The following AGBL4 variants were observed in gnomAD, a reference collection of about 807,000 sequenced individuals.
AGBL4 encodes AGBL carboxypeptidase 4.
AGBL4 carries 58 observed loss-of-function variants against 66.4 expected under a neutral mutation model. The observed-to-expected ratio is 0.87, with a 90% CI of 0.71 to 1.09. The LOEUF (loss-of-function observed/expected upper bound fraction) is 1.09, where lower values mean the gene tolerates loss of function less well. Ranked by LOEUF, AGBL4 falls within the 50% of genes least tolerant of loss-of-function variation. AGBL4 has a pLI of 0.00. For synonymous variants in AGBL4, 234 were observed against 222.9 expected (o/e 1.05, Z -0.44); for missense variants, 579 against 631.0 (o/e 0.92, Z 0.88).
intron 2 of AGBL4, among the ~76,000 whole-genome samples, chr1:49,699,074 C>T (rs1444676845): frequency 1.3e-5 from 2 of 152,056 alleles, no homozygotes; most frequent in Non-Finnish European, 1.5e-5. Context: ...CTTCTGATTT[C>T]ATTGTGTTTT....
At position 48,859,074 on chromosome 1, in the gene AGBL4, G is replaced by A. The variant is rs554239070; in HGVS notation, c.634+8117C>T. ...TCAAGGATATTTAGGCAGAAGTGAC[G>A]CCTTCTAAGAGTTTTTAAGGGGAGA... On this transcript the variant is annotated intron_variant, in intron 6 of 13. Coordinates refer to ENST00000371839, the MANE Select transcript of AGBL4 (RefSeq NM_032785.4). Among the ~76,000 whole-genome samples the A allele has an allele frequency of 2.6e-5, 4 of 152,014 alleles. No individual in the cohort carries two copies. The East Asian group carries it at 7.8e-4, about 30-fold the overall frequency.
chr1:49,600,007 G>T (rs930933696), intron 3 of AGBL4, among the ~76,000 whole-genome samples: 3 of 152,158 alleles, frequency 2.0e-5, no homozygotes, highest in African/African-American at 7.2e-5. Context: ...TTTCACATTT[G>T]CTGAGGAGTG....
At chr1:48,744,896 C>T (rs1021853863) in intron 6 of AGBL4, among the ~76,000 whole-genome samples, 1 of 152,178 alleles carries the variant, frequency 6.6e-6, no homozygotes, top group Non-Finnish European at 1.5e-5. Context: ...TTTGTCTTGG[C>T]GCTGAACACT....
chr1:48,702,297 T>G (rs1341055113), intron 6 of AGBL4, among the ~76,000 whole-genome samples: 1 of 152,048 alleles, frequency 6.6e-6, no homozygotes, highest in Non-Finnish European at 1.5e-5. Flanking sequence ...TGTTTTGTTT[T>G]GTTTTTTGTT....
intron 2 of AGBL4, among the ~76,000 whole-genome samples, chr1:49,724,493 G>A (rs1648861704): frequency 6.6e-6 from 1 of 152,124 alleles, no homozygotes; most frequent in African/African-American, 2.4e-5. Context: ...AGTGTGATGA[G>A]TGTTATAAAG....
chr1:49,431,893 C>G (rs1173395686), intron 3 of AGBL4, among the ~76,000 whole-genome samples: 4 of 152,114 alleles, frequency 2.6e-5, no homozygotes, highest in Non-Finnish European at 5.9e-5. Flanking sequence ...ACAACTGTTT[C>G]AGTACTGACT....
At chr1:49,122,647 C>A (rs1417520074) in intron 4 of AGBL4, among the ~76,000 whole-genome samples, 1 of 152,152 alleles carries the variant, frequency 6.6e-6, no homozygotes, top group Admixed American at 6.5e-5. Flanking sequence ...GCAGTTTAAT[C>A]CTAACTCCCT....
intron 1 of AGBL4, among the ~76,000 whole-genome samples, chr1:49,921,424 A>C (rs1413627676): frequency 6.6e-6 from 1 of 152,160 alleles, no homozygotes; most frequent in African/African-American, 2.4e-5. Flanking sequence ...AATATATCTA[A>C]GTATTAGGGT....
chr1:49,111,348 C>A (rs888583724), intron 4 of AGBL4, among the ~76,000 whole-genome samples: 4 of 152,146 alleles, frequency 2.6e-5, no homozygotes, highest in Non-Finnish European at 4.4e-5. Context: ...TCCTGACCTC[C>A]TGATCCGCCC....
chr1:48,738,068 A>C (rs1190056692), intron 6 of AGBL4, among the ~76,000 whole-genome samples: 1 of 152,242 alleles, frequency 6.6e-6, no homozygotes, highest in African/African-American at 2.4e-5. Flanking sequence ...TGTTCAAAAA[A>C]CAATTAAAGA....
intron 3 of AGBL4, among the ~76,000 whole-genome samples, chr1:49,481,050 T>C (rs747152597): frequency 2.6e-5 from 4 of 152,206 alleles, no homozygotes; most frequent in South Asian, 2.1e-4. Flanking sequence ...CCCTGTAGTA[T>C]AAAGGCAGGT....
In AGBL4 at chr1:49,697,394, A is replaced by T; in HGVS notation, c.201T>A (p.Asp67Glu). ...TACAGGTGTCCGGCCTAATGAACAGATCATACTCAAACTCAGAGACCTGGT... is the reference window on the plus strand; with the variant it reads ...TACAGGTGTCCGGCCTAATGAACAGTTCATACTCAAACTCAGAGACCTGGT... ...RVDQVSEFEY[D>E]LFIRPDTCNP... The change falls in exon 3 of 14, where the codon GAT (aspartate) becomes GAA (glutamate). Residue 67 changes from aspartate (D) to glutamate (E), a missense_variant. Transcript: ENST00000371839. 1 of 1,540,990 alleles carries T rather than the reference A, an allele frequency of 6.5e-7. No individual in the cohort carries two copies. Among genetic ancestry groups the T allele is most frequent in the African/African-American group, 1.4e-5 (1 of 73,036 alleles).
intron 3 of AGBL4, among the ~76,000 whole-genome samples, chr1:49,550,771 A>T (rs1306318657): frequency 6.6e-6 from 1 of 152,070 alleles, no homozygotes; most frequent in African/African-American, 2.4e-5. Flanking sequence ...ACCTGATGAC[A>T]ATGTGCCTAG....
intron 2 of AGBL4, among the ~76,000 whole-genome samples, chr1:49,803,764 G>C (rs1249061328): frequency 1.3e-5 from 2 of 152,118 alleles, no homozygotes; most frequent in Non-Finnish European, 2.9e-5. Context: ...ATATGTCATT[G>C]CCATCAGTAT....
chr1:48,677,834 G>A (rs552527870), intron 6 of AGBL4, among the ~76,000 whole-genome samples: 51 of 152,334 alleles, frequency 3.3e-4, no homozygotes, highest in Non-Finnish European at 6.2e-4. Flanking sequence ...CTCAGGAGAG[G>A]CCTCCCAACT....
At chr1:49,939,550 A>G (rs574547593) in intron 1 of AGBL4, among the ~76,000 whole-genome samples, 71 of 152,032 alleles carry the variant, frequency 4.7e-4, no homozygotes, top group Non-Finnish European at 1.0e-4. Context: ...ATAATGCCGC[A>G]TATCTACAAC....
intron 1 of AGBL4, among the ~76,000 whole-genome samples, chr1:49,918,628 T>C (rs1298358098): frequency 2.0e-5 from 3 of 152,028 alleles, no homozygotes; most frequent in African/African-American, 4.8e-5. Flanking sequence ...CAGGACCAGA[T>C]GGATTCACAG....
chr1:49,525,887 A>G (rs1650617912), intron 3 of AGBL4, among the ~76,000 whole-genome samples: 1 of 151,872 alleles, frequency 6.6e-6, no homozygotes, highest in African/African-American at 2.4e-5. Flanking sequence ...GGAGATCCAG[A>G]CCATCCTGGC....
chr1:48,589,592 T>A (rs1393654250), intron 10 of AGBL4, among the ~76,000 whole-genome samples: 3 of 152,196 alleles, frequency 2.0e-5, no homozygotes, highest in Non-Finnish European at 4.4e-5. Context: ...GCTTTTGCTA[T>A]GAGTTTTTCC....
Sources: gnomAD v4.1 joint callset for allele counts (sites outside exome capture counted in the v4.1 genomes callset) on GRCh38, gnomAD v4.1.1 for gene constraint, MANE v1.5 for transcripts, NCBI Gene and HGNC (gene_info 2026-07-23, HGNC 2026-07-21) for gene names.